LAMA2: variants seen among roughly 807,000 people sequenced by gnomAD.
LAMA2 encodes the protein laminin subunit alpha-2.
Under a neutral mutation model 364.8 loss-of-function variants are expected in LAMA2, and 269 were observed. That is an observed-to-expected ratio of 0.74 (90% confidence interval 0.67 to 0.82). LAMA2 has a LOEUF of 0.82. Ranked by LOEUF, LAMA2 falls within the 40% of genes least tolerant of loss-of-function variation. LAMA2 has a pLI of 0.00. For synonymous variants in LAMA2, 1,379 were observed against 1,370.6 expected, an observed-to-expected ratio of 1.01 and a Z score of -0.14; for missense variants, 3,807 against 3,873.2, an observed-to-expected ratio of 0.98 and a Z score of 0.45.
intron 1 of LAMA2, among the ~76,000 whole-genome samples, chr6:128,986,444 A>C (rs1217097690): frequency 6.6e-6 from 1 of 152,168 alleles, no homozygotes; most frequent in Non-Finnish European, 1.5e-5. Flanking sequence ...ATATATTTCA[A>C]ATAGAGAAAA....
At chr6:129,281,615 A>G (rs1486834308) in intron 18 of LAMA2, among the ~76,000 whole-genome samples, 1 of 152,162 alleles carries the variant, frequency 6.6e-6, no homozygotes, top group Non-Finnish European at 1.5e-5. Flanking sequence ...AGCACCTCAC[A>G]TCTTTCTTTA....
rs753886576 is a variant in LAMA2, at chr6:129,401,247, C to T, written c.5469C>T (p.Ser1823=). 68 of 1,608,868 alleles carry T rather than the reference C, an allele frequency of 4.2e-5. No homozygotes were observed. The highest frequency in any genetic ancestry group is 1.3e-4 in the South Asian group (12 of 90,920). Residue 1823 remains serine (S), a synonymous_variant, in exon 38 of 65, where the codon AGC becomes AGT. Transcript: ENST00000421865. ...ALEKKKEAVE[S]GKRQIENTLK... is the part of the protein sequence containing the mutation. The stretch of plus-strand genomic sequence containing the variant: ...AGAAAAAGAAGGAGGCTGTTGAAAG[C>T]GGCAAACGACAAATTGAGAACACTT...
intron 41 of LAMA2, among the ~76,000 whole-genome samples, chr6:129,436,020 G>A (rs1781814840): frequency 6.6e-6 from 1 of 152,138 alleles, no homozygotes; most frequent in Non-Finnish European, 1.5e-5. Context: ...CTGGGTACCA[G>A]GAAAGTGATG....
intron 2 of LAMA2, among the ~76,000 whole-genome samples, chr6:129,057,082 T>G (rs955136731): frequency 6.6e-6 from 1 of 152,216 alleles, no homozygotes; most frequent in Non-Finnish European, 1.5e-5. Flanking sequence ...TTTTACTTTC[T>G]ATCAGATTCC....
intron 18 of LAMA2, among the ~76,000 whole-genome samples, chr6:129,284,535 G>A (rs1788960917): frequency 6.6e-6 from 1 of 151,994 alleles, no homozygotes; most frequent in African/African-American, 2.4e-5. Context: ...TTAATGGGTT[G>A]GGAGAAACCA....
intron 12 of LAMA2, among the ~76,000 whole-genome samples, chr6:129,204,131 G>A (rs1326753411): frequency 3.3e-5 from 5 of 152,156 alleles, no homozygotes; most frequent in East Asian, 1.9e-4. Flanking sequence ...TAGCAAGTAC[G>A]TAGATTATAT....
intron 55 of LAMA2, among the ~76,000 whole-genome samples, chr6:129,483,000 G>A (rs539211650): frequency 3.2e-4 from 48 of 150,448 alleles, no homozygotes; most frequent in African/African-American, 1.0e-3. Context: ...CTGGGAGGCC[G>A]AGGTTGCAGT....
At chr6:129,506,071 G>T (rs1786045439) in intron 61 of LAMA2, among the ~76,000 whole-genome samples, 1 of 152,058 alleles carries the variant, frequency 6.6e-6, no homozygotes, top group African/African-American at 2.4e-5. Flanking sequence ...AAAGTGATTG[G>T]GTTGGGCATG....
chr6:129,383,400 A>C (rs1178410516), intron 35 of LAMA2, among the ~76,000 whole-genome samples, 167 bp downstream of exon 35: 1 of 152,222 alleles, frequency 6.6e-6, no homozygotes, highest in Non-Finnish European at 1.5e-5. Context: ...ATCTGCTGAG[A>C]ACCTGTGACC....
At chr6:129,119,018 GT>G (rs1483254373) in intron 4 of LAMA2, among the ~76,000 whole-genome samples, 1 of 152,202 alleles carries the variant, frequency 6.6e-6, no homozygotes, top group Non-Finnish European at 1.5e-5. Context: ...TATGAGAATT[GT>G]TTTGGGATCA....
chr6:129,349,144 C>CCTAGCCTTAAATAAGAACTTCAG (rs1201477455), intron 30 of LAMA2, among the ~76,000 whole-genome samples, 154 bp from the exon 31 acceptor site: 1 of 152,064 alleles, frequency 6.6e-6, no homozygotes, highest in Non-Finnish European at 1.5e-5. Context: ...ATTGTGACGT[C>CCTAGCCTTAAATAAGAACTTCAG]CTAGCCTTAA....
At chr6:129,179,422 G>T (rs1470104546) in intron 10 of LAMA2, among the ~76,000 whole-genome samples, 1 of 152,110 alleles carries the variant, frequency 6.6e-6, no homozygotes, top group African/African-American at 2.4e-5. Flanking sequence ...TCTGGTATTT[G>T]CAAGGAAAGG....
intron 2 of LAMA2, among the ~76,000 whole-genome samples, chr6:129,054,907 A>C (rs1788357367): frequency 6.6e-6 from 1 of 150,416 alleles, no homozygotes; most frequent in Admixed American, 6.6e-5. Flanking sequence ...TTGGCTGGAA[A>C]AATGGATGAG....
At chr6:129,163,420 G>A (rs185876041) in intron 8 of LAMA2, among the ~76,000 whole-genome samples, 13 of 152,218 alleles carry the variant, frequency 8.5e-5, no homozygotes, top group African/African-American at 2.2e-4. Context: ...AGTCGCTTGC[G>A]GTCAGGAGTT....
At chr6:129,387,059 A>C (rs1429445516) in intron 35 of LAMA2, among the ~76,000 whole-genome samples, 1 of 152,126 alleles carries the variant, frequency 6.6e-6, no homozygotes, top group Non-Finnish European at 1.5e-5. Flanking sequence ...TGGAAAAAAA[A>C]AAACAACCTC....
chr6:129,085,974 T>A (rs1051201462), intron 3 of LAMA2, among the ~76,000 whole-genome samples: 3 of 152,196 alleles, frequency 2.0e-5, no homozygotes, highest in Admixed American at 6.5e-5. Flanking sequence ...TTAAATCACA[T>A]CCAAAATGAC....
At chr6:128,949,974 T>C (rs1780713218) in intron 1 of LAMA2, among the ~76,000 whole-genome samples, 1 of 152,340 alleles carries the variant, frequency 6.6e-6, no homozygotes, top group Admixed American at 6.5e-5. Flanking sequence ...TGATCCTTTA[T>C]ATTTTTTATT....
Position 129,505,309 on chromosome 6 carries a change from A to G in LAMA2, c.8657A>G (p.Tyr2886Cys), listed in dbSNP as rs761037493. The G allele has an allele frequency of 6.2e-7, 1 of 1,614,032 alleles. No individual in the cohort carries two copies. Among genetic ancestry groups the G allele is most frequent in the Non-Finnish European group, 8.5e-7 (1 of 1,179,856 alleles). Residue 2886 changes from tyrosine to cysteine, a missense_variant, in exon 61 of 65, where the codon TAT becomes TGT. By Grantham distance (194) the Tyr-to-Cys change is radical. Around this residue, in one of 3 missense-constraint regions of LAMA2, gnomAD observed 3,333 missense variants for 3,345.7 expected, o/e 1.00. Transcript: ENST00000421865. ...ATCCTGGATGTCGTGGGAATGCTGTATGTTGGTGGGTTACCCATCAACTAC... is the reference window on the plus strand; with the variant it reads ...ATCCTGGATGTCGTGGGAATGCTGTGTGTTGGTGGGTTACCCATCAACTAC... ...ADILDVVGML[Y>C]VGGLPINYTT... is the part of the protein sequence containing the mutation.
At chr6:129,144,365 T>A (rs1778308834) in intron 5 of LAMA2, among the ~76,000 whole-genome samples, 1 of 152,008 alleles carries the variant, frequency 6.6e-6, no homozygotes, top group South Asian at 2.1e-4. Flanking sequence ...CAATGTCTAC[T>A]TAATAATCTT....
Sources: gnomAD v4.1 joint callset for allele counts (sites outside exome capture counted in the v4.1 genomes callset) on GRCh38, gnomAD v4.1.1 for gene constraint, gnomAD v4.1.1 regional missense constraint, MANE v1.5 for transcripts, NCBI Gene and HGNC (gene_info 2026-07-23, HGNC 2026-07-21) for gene names.